Variants in CCDC91 observed in about 807,000 individuals in gnomAD.
The protein encoded by CCDC91 is coiled-coil domain-containing protein 91.
In CCDC91, 48 loss-of-function variants were observed where a neutral mutation model predicts 63.2. That is an observed-to-expected ratio of 0.76 (90% CI 0.60 to 0.97). The LOEUF is 0.97. Ranked by LOEUF, CCDC91 falls within the 50% of genes least tolerant of loss-of-function variation. CCDC91 has a pLI of 0.00. For missense variants in CCDC91, 500 were observed against 494.6 expected (o/e 1.01, Z -0.10); for synonymous variants, 167 against 165.8 (o/e 1.01, Z -0.06).
intron 11 of CCDC91, among the ~76,000 whole-genome samples, chr12:28,480,451 A>G (rs146948546): frequency 0.011 from 1,720 of 152,134 alleles, 12 homozygotes; most frequent in Middle Eastern, 0.024. Flanking sequence ...GAAACTCATC[A>G]AGAGATAGAC....
intron 8 of CCDC91, among the ~76,000 whole-genome samples, chr12:28,418,853 T>C (rs1160281851): frequency 1.3e-5 from 2 of 152,118 alleles, no homozygotes; most frequent in Non-Finnish European, 2.9e-5. Context: ...CTGGCCATTA[T>C]GAAATTTAAA....
At chr12:28,547,455 T>C (rs1056017985) in intron 12 of CCDC91, among the ~76,000 whole-genome samples, 29 of 152,224 alleles carry the variant, frequency 1.9e-4, no homozygotes, top group South Asian at 6.2e-4. Flanking sequence ...TCAGCAAATA[T>C]TTATTGCTTG....
rs75167813 is a variant in CCDC91 at position 28,368,583 on chromosome 12, C to T, written c.654+6068C>T. ...CTAAATATTATTGTTGAATTGTTTA[C>T]GTCGCTTTTAATTCTGTCAGTTTTT... On this transcript the variant is annotated intron_variant, in intron 7 of 12. Transcript: ENST00000536442. Among the ~76,000 whole-genome samples the T allele has an allele frequency of 9.2e-3, 1,403 of 152,214 alleles. 27 individuals are homozygous for T. The highest frequency in any genetic ancestry group is 0.032 in the African/African-American group (1,333 of 41,530).
intron 11 of CCDC91, among the ~76,000 whole-genome samples, chr12:28,461,843 G>A (rs1950323802): frequency 6.6e-6 from 1 of 152,072 alleles, no homozygotes; most frequent in African/African-American, 2.4e-5. Flanking sequence ...AACATAGTAT[G>A]TGTTGTTCTT....
At chr12:28,331,566 C>A (rs1326522042) in intron 6 of CCDC91, among the ~76,000 whole-genome samples, 2 of 152,120 alleles carry the variant, frequency 1.3e-5, no homozygotes, top group Non-Finnish European at 2.9e-5. Context: ...GGACAATAGT[C>A]ATAACAAATT....
intron 12 of CCDC91, among the ~76,000 whole-genome samples, chr12:28,494,560 C>G (rs1952181188): frequency 6.6e-6 from 1 of 151,680 alleles, no homozygotes. Context: ...GGTATACTTT[C>G]ACTTATTACT....
At chr12:28,508,436 T>C (rs11049680) in intron 12 of CCDC91, among the ~76,000 whole-genome samples, 31,668 of 151,702 alleles carry the variant, frequency 0.21, 4,335 homozygotes, top group Non-Finnish European at 0.31. Context: ...CCCTGGGTGC[T>C]GTATTATGGC....
intron 8 of CCDC91, among the ~76,000 whole-genome samples, chr12:28,443,302 C>G (rs1209067759): frequency 4.0e-5 from 6 of 150,794 alleles, no homozygotes; most frequent in Admixed American, 4.0e-4. Context: ...TTTTTCTTGT[C>G]AGAACTATAA....
chr12:28,484,868 A>C (rs1376487070), intron 12 of CCDC91, among the ~76,000 whole-genome samples: 4 of 150,094 alleles, frequency 2.7e-5, no homozygotes, highest in Non-Finnish European at 5.9e-5. Context: ...TATATAATAA[A>C]ATTTTTCACA....
intron 12 of CCDC91, among the ~76,000 whole-genome samples, chr12:28,503,459 A>G (rs1442080988): frequency 2.6e-5 from 4 of 152,182 alleles, no homozygotes; most frequent in Non-Finnish European, 5.9e-5. Context: ...GGATGTGGAG[A>G]AATAGGAACA....
chr12:28,521,801 A>G (rs919188363), intron 12 of CCDC91, among the ~76,000 whole-genome samples: 13 of 152,136 alleles, frequency 8.5e-5, no homozygotes, highest in African/African-American at 2.4e-4. Flanking sequence ...GAGTTTTGTC[A>G]AAGGCCTTTT....
chr12:28,395,979 A>G (rs1352897262), intron 8 of CCDC91, among the ~76,000 whole-genome samples: 1 of 152,230 alleles, frequency 6.6e-6, no homozygotes, highest in Non-Finnish European at 1.5e-5. Context: ...TAGGAACGTA[A>G]CAGTGAGAGA....
At chr12:28,377,321 T>C (rs1474885124) in intron 7 of CCDC91, among the ~76,000 whole-genome samples, 1 of 151,784 alleles carries the variant, frequency 6.6e-6, no homozygotes, top group Non-Finnish European at 1.5e-5. Context: ...ACTTAAGGGA[T>C]TTAGACGTTT....
At chr12:28,271,932 A>C (rs1455136979) in intron 3 of CCDC91, among the ~76,000 whole-genome samples, 1 of 149,440 alleles carries the variant, frequency 6.7e-6, no homozygotes, top group Non-Finnish European at 1.5e-5. Flanking sequence ...TTATATATAT[A>C]AGTCCACAAG....
intron 3 of CCDC91, among the ~76,000 whole-genome samples, chr12:28,271,254 A>G (rs978755779): frequency 6.6e-6 from 1 of 152,148 alleles, no homozygotes; most frequent in Non-Finnish European, 1.5e-5. Context: ...AACTTTTGGC[A>G]ATGTAGATAC....
At chr12:28,541,033 A>G (rs1011951754) in intron 12 of CCDC91, among the ~76,000 whole-genome samples, 1 of 152,144 alleles carries the variant, frequency 6.6e-6, no homozygotes, top group African/African-American at 2.4e-5. Context: ...TCAGTAAAGA[A>G]CATGACCCAG....
chr12:28,248,058 C>T (rs751757394), intron 1 of CCDC91, among the ~76,000 whole-genome samples: 6 of 152,056 alleles, frequency 3.9e-5, no homozygotes, highest in African/African-American at 1.4e-4. Flanking sequence ...GGTTCGTGTC[C>T]GCGGGTTGGG....
intron 6 of CCDC91, among the ~76,000 whole-genome samples, chr12:28,323,094 T>C (rs1016717275): frequency 6.6e-5 from 10 of 151,452 alleles, no homozygotes; most frequent in Non-Finnish European, 1.2e-4. Flanking sequence ...TTTTTTTATG[T>C]TGATAGCTTT....
intron 6 of CCDC91, among the ~76,000 whole-genome samples, chr12:28,355,141 A>C (rs1943438874): frequency 6.6e-6 from 1 of 150,960 alleles, no homozygotes; most frequent in East Asian, 1.9e-4. Context: ...GGCCTGAGTT[A>C]GTTTTGAGCA....
Sources: allele counts gnomAD v4.1 joint callset (sites outside exome capture counted in the v4.1 genomes callset), GRCh38; gene constraint gnomAD v4.1.1; transcripts MANE v1.5; gene names NCBI Gene and HGNC (gene_info 2026-07-23, HGNC 2026-07-21).